Variants in IQGAP2 observed in about 807,000 individuals in gnomAD.
IQGAP2 encodes the protein IQ motif containing GTPase activating protein 2, also known as ras GTPase-activating-like protein IQGAP2.
Under a neutral mutation model 201.3 loss-of-function variants are expected in IQGAP2, and 173 were observed. That is an observed-to-expected ratio of 0.86 (90% CI 0.76 to 0.98). The LOEUF is 0.98. Among genes scored for constraint, IQGAP2 ranks in the 50% least tolerant of loss-of-function variants. The pLI, the probability that IQGAP2 is intolerant of heterozygous loss-of-function variation, is 0.00. For missense variants in IQGAP2, 1,687 were observed against 1,864.8 expected (o/e 0.90, Z 1.76); for synonymous variants, 675 against 673.9 (o/e 1.00, Z -0.03).
intron 33 of IQGAP2, among the ~76,000 whole-genome samples, chr5:76,700,580 T>C (rs1404006498): frequency 1.3e-5 from 2 of 152,122 alleles, no homozygotes; most frequent in Non-Finnish European, 2.9e-5. Flanking sequence ...CTACATGATA[T>C]AGTATATAGC....
intron 1 of IQGAP2, among the ~76,000 whole-genome samples, chr5:76,442,085 T>C (rs1473584161): frequency 6.6e-6 from 1 of 152,176 alleles, no homozygotes; most frequent in Non-Finnish European, 1.5e-5. Flanking sequence ...AGCTGATTTC[T>C]TATCTATGTG....
chr5:76,644,760 A>G (rs2455235), intron 17 of IQGAP2, among the ~76,000 whole-genome samples: 2 of 152,106 alleles, frequency 1.3e-5, no homozygotes, highest in Non-Finnish European at 2.9e-5. Context: ...CTCATCTCAA[A>G]GGAACTAAAA....
chr5:76,589,485 A>G (rs995260361), intron 6 of IQGAP2, 130 bp from the exon 7 acceptor site: 1 of 537,368 alleles, frequency 1.9e-6, no homozygotes, highest in African/African-American at 2.0e-5. Context: ...GGTTCTTCCT[A>G]AGGCTCTTGT....
intron 2 of IQGAP2, among the ~76,000 whole-genome samples, chr5:76,507,065 T>C (rs1178048470): frequency 6.6e-6 from 1 of 152,190 alleles, no homozygotes; most frequent in East Asian, 1.9e-4. Context: ...AATACAATAT[T>C]GAAGGAGAAG....
chr5:76,555,594 C>T (rs1168447174), intron 2 of IQGAP2, among the ~76,000 whole-genome samples: 2 of 152,198 alleles, frequency 1.3e-5, no homozygotes, highest in Non-Finnish European at 2.9e-5. Flanking sequence ...AACAGATCAG[C>T]AAGCCCCTGA....
Position 76,520,548 on chromosome 5 carries a change from C to T in IQGAP2, c.147-41848C>T, listed in dbSNP as rs540104634. Among the ~76,000 whole-genome samples the T allele has an allele frequency of 1.1e-4, 17 of 152,212 alleles. 3 individuals carry two copies. Among genetic ancestry groups the T allele is most frequent in the African/African-American group, 3.9e-4 (16 of 41,528 alleles). On this transcript the variant is annotated intron_variant, in intron 2 of 35. Coordinates refer to ENST00000274364, the MANE Select transcript of IQGAP2 (RefSeq NM_006633.5). ...ATTTTAGCTATTTAAATTCCTTTGC[C>T]ATTTTCATGTATAAAGTTTATTATT... is the stretch of plus-strand genomic sequence containing the variant.
intron 14 of IQGAP2, chr5:76,628,757 G>A (rs1180406315): frequency 6.6e-6 from 3 of 455,506 alleles, no homozygotes; most frequent in Admixed American, 2.4e-5. Flanking sequence ...AAAAATGTGT[G>A]TATTTCTCTA....
At chr5:76,668,592 G>A in intron 22 of IQGAP2, 89 bp from the exon 23 acceptor site, 1 of 1,009,498 alleles carries the variant, frequency 9.9e-7, no homozygotes, top group Non-Finnish European at 1.5e-6. Flanking sequence ...TGAAGAGCAG[G>A]GAATCAGATA....
intron 12 of IQGAP2, 84 bp downstream of exon 12, chr5:76,606,387 GT>G: frequency 1.6e-6 from 2 of 1,283,860 alleles, no homozygotes; most frequent in Non-Finnish European, 2.1e-6. Flanking sequence ...AGGGCTTTAA[GT>G]TTTTGCTCAA....
chr5:76,629,355 C>T (rs143071063), intron 14 of IQGAP2, among the ~76,000 whole-genome samples: 2 of 152,304 alleles, frequency 1.3e-5, no homozygotes, highest in African/African-American at 2.4e-5. Flanking sequence ...GCATCACACA[C>T]ACTCTCAGAT....
At chr5:76,517,779 G>A (rs1758429243) in intron 2 of IQGAP2, among the ~76,000 whole-genome samples, 1 of 151,894 alleles carries the variant, frequency 6.6e-6, no homozygotes, top group Admixed American at 6.6e-5. Flanking sequence ...TCCTTACCTG[G>A]AAAATGAGCT....
In IQGAP2 at chr5:76,707,510, G is replaced by A; in HGVS notation, c.*197G>A. 1.8e-6 allele frequency: 1 copy of A among 551,378 alleles called. No homozygotes were observed. Among genetic ancestry groups the A allele is most frequent in the Non-Finnish European group, 3.2e-6 (1 of 311,982 alleles). The allele number at this position is 551,378 out of a possible 1,614,324, so 34.2% of individuals were successfully genotyped here. A position where few individuals can be genotyped will look rare whatever the true frequency, so the allele number is the denominator to read the frequency against. On this transcript the variant is annotated 3_prime_UTR_variant, in exon 36 of 36. Transcript: ENST00000274364. The stretch of plus-strand genomic sequence containing the variant: ...ACTATAATAGAATGAGACATAAAAT[G>A]AATTAATGGAAACATATCCACACTG...
At chr5:76,685,101 A>C (rs1022563056) in intron 30 of IQGAP2, among the ~76,000 whole-genome samples, 5 of 152,184 alleles carry the variant, frequency 3.3e-5, no homozygotes, top group Non-Finnish European at 5.9e-5. Flanking sequence ...GTAGGACCGC[A>C]ACCAAGTTGC....
intron 2 of IQGAP2, among the ~76,000 whole-genome samples, chr5:76,551,333 G>A (rs1399930827): frequency 1.3e-5 from 2 of 151,200 alleles, no homozygotes; most frequent in Admixed American, 1.3e-4. Context: ...TTCCTAGATG[G>A]GATGGCAGCT....
chr5:76,508,551 A>G (rs1299917697), intron 2 of IQGAP2, among the ~76,000 whole-genome samples: 2 of 151,454 alleles, frequency 1.3e-5, no homozygotes, highest in African/African-American at 4.9e-5. Flanking sequence ...TTAGAATTTA[A>G]TAAAGATCAG....
chr5:76,509,133 C>T (rs1330410117), intron 2 of IQGAP2, among the ~76,000 whole-genome samples: 1 of 151,926 alleles, frequency 6.6e-6, no homozygotes, highest in Admixed American at 6.6e-5. Context: ...TCTTTAAACT[C>T]TGCTTAAGAA....
At chr5:76,658,733 CACTT>C (rs1273704355) in intron 21 of IQGAP2, 66 bp downstream of exon 21, 1 of 1,304,346 alleles carries the variant, frequency 7.7e-7, no homozygotes, top group Admixed American at 1.9e-5. Flanking sequence ...AGTCAAGAGT[CACTT>C]AATGACAGGG....
chr5:76,425,533 T>C (rs1244497272), intron 1 of IQGAP2, among the ~76,000 whole-genome samples: 3 of 152,172 alleles, frequency 2.0e-5, no homozygotes, highest in Non-Finnish European at 2.9e-5. Flanking sequence ...GGGAAAGGAC[T>C]GAAAGGAAAT....
intron 11 of IQGAP2, among the ~76,000 whole-genome samples, chr5:76,603,406 A>G (rs548928940): frequency 5.3e-5 from 8 of 152,120 alleles, no homozygotes; most frequent in Admixed American, 2.0e-4. Flanking sequence ...CTCCCTAACT[A>G]AGCCTTTTTC....
Sources: allele counts gnomAD v4.1 joint callset (sites outside exome capture counted in the v4.1 genomes callset), GRCh38; gene constraint gnomAD v4.1.1; transcripts MANE v1.5; gene names NCBI Gene and HGNC (gene_info 2026-07-23, HGNC 2026-07-21).